Variants in SRRM2 observed in about 807,000 individuals in gnomAD.
SRRM2 encodes the protein serine/arginine repetitive matrix 2.
SRRM2 carries 30 observed loss-of-function variants against 213.8 expected under a neutral mutation model. That is an observed-to-expected ratio of 0.14 (90% confidence interval 0.10 to 0.19). The LOEUF is 0.19. SRRM2 is among the 10% of genes least tolerant of loss of function. SRRM2 has a pLI of 1.00. For missense variants in SRRM2, 4,904 were observed against 3,647.0 expected, an observed-to-expected ratio of 1.34 and a Z score of -8.88; for synonymous variants, 2,025 against 1,377.7, an observed-to-expected ratio of 1.47 and a Z score of -10.40.
chr16:2,760,439 G>A lies in SRRM2; in HGVS notation c.972G>A (p.Pro324=), dbSNP rs761990152. 23 of 1,613,978 alleles carry A rather than the reference G, an allele frequency of 1.4e-5. No homozygotes were observed. The highest frequency in any genetic ancestry group is 1.6e-4 in the Middle Eastern group (1 of 6,084). Residue 324 remains proline (P), a synonymous_variant, in exon 10 of 15, where the codon CCG becomes CCA. Coordinates refer to ENST00000301740, the MANE Select transcript of SRRM2 (RefSeq NM_016333.4). ...GTTSTQRPSS[P]ETATKQPSSP... is the part of the protein sequence containing the mutation. ...CCAGCACACAACGGCCTAGTAGCCCGGAGACTGCTACGAAACAGCCTAGCA... is the reference window on the plus strand; with the variant it reads ...CCAGCACACAACGGCCTAGTAGCCCAGAGACTGCTACGAAACAGCCTAGCA...
intron 12 of SRRM2, 21 bp downstream of exon 12, chr16:2,769,305 G>C (rs757087921): frequency 1.3e-6 from 2 of 1,536,548 alleles, no homozygotes; most frequent in South Asian, 2.6e-5. Flanking sequence ...TCTTGCCTGA[G>C]TTGAAAGGTG....
rs1292628596 is a variant in SRRM2, at chr16:2,763,244, A to C, written c.2716A>C (p.Arg906=). 2 of 1,614,072 alleles carry C rather than the reference A, an allele frequency of 1.2e-6. No homozygotes were observed. The highest frequency in any genetic ancestry group is 1.7e-6 in the Non-Finnish European group (2 of 1,179,994). Residue 906 remains arginine (R), a synonymous_variant, in exon 11 of 15, where the codon AGA becomes CGA. Transcript: ENST00000301740. The part of the protein sequence containing the change: ...PPRVKSSTPP[R]QSPSRSSSPQ... ...TAGAGTGAAATCTAGCACACCTCCCAGACAGAGCCCATCTAGGTCATCATC... is the reference window on the plus strand; with the variant it reads ...TAGAGTGAAATCTAGCACACCTCCCCGACAGAGCCCATCTAGGTCATCATC...
intron 10 of SRRM2, among the ~76,000 whole-genome samples, 173 bp from the exon 11 acceptor site, chr16:2,761,388 T>A (rs1417096454): frequency 2.0e-5 from 3 of 152,268 alleles, no homozygotes; most frequent in Non-Finnish European, 4.4e-5. Context: ...TATATTCATA[T>A]GTTTTCACCA....
At position 2,761,546 on chromosome 16, in the gene SRRM2, C is replaced by G. The variant is rs746179641; in HGVS notation, c.1033-15C>G. 5 of 1,493,822 alleles carry G rather than the reference C, an allele frequency of 3.3e-6. No homozygotes were observed. In the Admixed American group the frequency reaches 7.3e-5, roughly 22 times the overall value. 92.5% of individuals were successfully genotyped at this position (1,493,822 alleles called of 1,614,324 possible). On this transcript the variant is annotated splice_polypyrimidine_tract_variant and intron_variant, in intron 10 of 14. Coordinates refer to ENST00000301740, the MANE Select transcript of SRRM2 (RefSeq NM_016333.4). ...GTTTATGAATCCCTATCCCTGCTCT[C>G]TCTTCCACTCTTAGAAATCTGCAAC... is the stretch of plus-strand genomic sequence containing the variant.
chr16:2,768,851 C>T (rs2068634664), intron 11 of SRRM2, 146 bp from the exon 12 acceptor site: 1 of 1,515,400 alleles, frequency 6.6e-7, no homozygotes, highest in Non-Finnish European at 8.9e-7. Context: ...CACTGCTCTC[C>T]AGAGAATTGC....
intron 1 of SRRM2, chr16:2,753,475 A>T (rs2068018539): frequency 6.6e-6 from 1 of 152,238 alleles, no homozygotes; most frequent in African/African-American, 2.4e-5. Flanking sequence ...GAAACCCCAA[A>T]TCTTAAAAAC....
At position 2,763,008 on chromosome 16, in the gene SRRM2, C is replaced by G. The variant is rs1342813630; in HGVS notation, c.2480C>G (p.Ser827Cys). 6 of 1,614,140 alleles carry G rather than the reference C, an allele frequency of 3.7e-6. No homozygotes were observed. Among genetic ancestry groups the G allele is most frequent in the Non-Finnish European group, 4.2e-6 (5 of 1,180,012 alleles). Residue 827 changes from serine to cysteine, a missense_variant, in exon 11 of 15, where the codon TCT (serine) becomes TGT (cysteine). Coordinates refer to ENST00000301740, the MANE Select transcript of SRRM2 (RefSeq NM_016333.4). ...SSSSPPPKQKSKTPSRQSHSS... is the reference protein window; with the variant it reads ...SSSSPPPKQKCKTPSRQSHSS... ...TCTTCTCCGCCACCTAAACAGAAAT[C>G]TAAGACACCATCAAGACAAAGTCAT...
At chr16:2,768,362 G>GA (rs1321799286) in intron 11 of SRRM2, 101 bp downstream of exon 11, 3 of 1,355,162 alleles carry the variant, frequency 2.2e-6, no homozygotes, top group Non-Finnish European at 3.0e-6. Context: ...TTGGCTCTTG[G>GA]AGGAGGTATG....
rs771816164 is a variant in SRRM2 at position 2,766,761 on chromosome 16, G to A, written c.6233G>A (p.Arg2078His). The change falls in exon 11 of 15, where the codon CGT (arginine) becomes CAT (histidine). Residue 2078 changes from arginine (R) to histidine (H), a missense_variant. Arg to His is a conservative substitution (Grantham distance 29, BLOSUM62 0). Coordinates refer to ENST00000301740, the MANE Select transcript of SRRM2 (RefSeq NM_016333.4). The surrounding 1 kb of genome is among the most constrained non-coding windows in gnomAD (Gnocchi z 7.0). The stretch of plus-strand genomic sequence containing the variant: ...AGATCTCCTCCAGCCATCCGCAGGC[G>A]TTCTGCATCTGGAAGTAGTTCTGAT... ...LTRSPPAIRR[R>H]SASGSSSDRS... 2.2e-5 allele frequency: 35 copies of A among 1,614,004 alleles called. No homozygotes were observed. In the Middle Eastern group the frequency reaches 6.6e-4, roughly 30 times the overall value.
At chr16:2,757,410 G>T (rs2068183214) in intron 2 of SRRM2, 62 bp from the exon 3 acceptor site, 1 of 1,514,970 alleles carries the variant, frequency 6.6e-7, no homozygotes, top group African/African-American at 1.4e-5. Context: ...TGAGGGAAAT[G>T]GAAACCTGGG....
chr16:2,771,249 G>T lies in SRRM2; in HGVS notation c.*382G>T. The T allele has an allele frequency of 1.4e-6, 1 of 726,716 alleles. No homozygotes were observed. The highest frequency in any genetic ancestry group is 2.4e-6 in the Non-Finnish European group (1 of 418,386). The allele number at this position is 726,716 out of a possible 1,614,324, so 45.0% of individuals were successfully genotyped here. A position where few individuals can be genotyped will look rare whatever the true frequency, so the allele number is the denominator to read the frequency against. On this transcript the variant is annotated 3_prime_UTR_variant, in exon 15 of 15. Coordinates refer to ENST00000301740, the MANE Select transcript of SRRM2 (RefSeq NM_016333.4). ...ACTGGAGGTTGTATAAGGTGTTCTT[G>T]GAAGGAAGGGGCAGGAGTTGGAATT...
rs569450641 is a variant in SRRM2 at position 2,770,832 on chromosome 16, C to G, written c.8250-26C>G. The G allele has an allele frequency of 2.5e-6, 4 of 1,614,004 alleles. No individual in the cohort carries two copies. In the East Asian group the frequency reaches 6.7e-5, roughly 27 times the overall value. ...CCTTGAGGGCTGGGGTGGGAACTCC[C>G]TGTTGACCCATATCTTCTCTTGCAG... is the stretch of plus-strand genomic sequence containing the variant. On this transcript the variant is annotated intron_variant, in intron 14 of 14. Transcript: ENST00000301740.
chr16:2,766,296 C>G lies in SRRM2; in HGVS notation c.5768C>G (p.Ser1923Cys), dbSNP rs1319064349. Reference sequence around the variant, plus strand: ...GCATCCCCAGTGAGCAGAAGGCGATCCAGATCCAGAACGCCACCAGTAACC... The same window carrying G: ...GCATCCCCAGTGAGCAGAAGGCGATGCAGATCCAGAACGCCACCAGTAACC... ...SRASPVSRRR[S>C]RSRTPPVTRR... Residue 1923 changes from serine (S) to cysteine (C), a missense_variant, in exon 11 of 15, where the codon TCC (serine) becomes TGC (cysteine). Transcript: ENST00000301740. This position sits in a 1 kb window ranked among gnomAD's most constrained non-coding sequence, Gnocchi z 7.0. The G allele has an allele frequency of 6.2e-7, 1 of 1,614,194 alleles. No homozygotes were observed. Among genetic ancestry groups the G allele is most frequent in the Non-Finnish European group, 8.5e-7 (1 of 1,180,038 alleles).
chr16:2,768,167 T>C lies in SRRM2; in HGVS notation c.7639T>C (p.Ser2547Pro). ...GTCCTCTAGCTCCTCCTCTTCTTCA[T>C]CATCGTCGTCGTCGTCCTCCTCCTC... ...SSSSSSSSSS[S>P]SSSSSSSSSG... is the part of the protein sequence containing the mutation. The change falls in exon 11 of 15, where the codon TCA becomes CCA. Residue 2547 changes from serine to proline, a missense_variant. Ser to Pro is a moderately conservative substitution (Grantham distance 74). Transcript: ENST00000301740. 1 of 1,612,898 alleles carries C rather than the reference T, an allele frequency of 6.2e-7. No individual in the cohort carries two copies. Among genetic ancestry groups the C allele is most frequent in the East Asian group, 2.2e-5 (1 of 44,858 alleles).
Position 2,767,696 on chromosome 16 carries a change from T to A in SRRM2, c.7168T>A (p.Tyr2390Asn), listed in dbSNP as rs2068590834. The change falls in exon 11 of 15, where the codon TAC becomes AAC. Residue 2390 changes from tyrosine to asparagine, a missense_variant. Tyr to Asn is a moderately radical substitution (Grantham distance 143). Transcript: ENST00000301740. Reference sequence around the variant, plus strand: ...CAGCCCCAGGGTGCCCCTTTCTGCCTACGAGCGTGTCAGTGGCAGAACCTC... The same window carrying A: ...CAGCCCCAGGGTGCCCCTTTCTGCCAACGAGCGTGTCAGTGGCAGAACCTC... ...LTSPRVPLSA[Y>N]ERVSGRTSPP... 4 of 1,613,622 alleles carry A rather than the reference T, an allele frequency of 2.5e-6. No homozygotes were observed. Among genetic ancestry groups the A allele is most frequent in the Middle Eastern group, 1.6e-4 (1 of 6,084 alleles).
At position 2,768,171 on chromosome 16, in the gene SRRM2, C is replaced by T. The variant is rs1489992111; in HGVS notation, c.7643C>T (p.Ser2548Leu). The change falls in exon 11 of 15, where the codon TCG (serine) becomes TTG (leucine). Residue 2548 changes from serine to leucine, a missense_variant. Coordinates refer to ENST00000301740, the MANE Select transcript of SRRM2 (RefSeq NM_016333.4). Reference protein sequence around the residue: ...SSSSSSSSSSSSSSSSSSSGS... With the variant: ...SSSSSSSSSSLSSSSSSSSGS... Reference sequence around the variant, plus strand: ...TCTAGCTCCTCCTCTTCTTCATCATCGTCGTCGTCGTCCTCCTCCTCCTCT... The same window carrying T: ...TCTAGCTCCTCCTCTTCTTCATCATTGTCGTCGTCGTCCTCCTCCTCCTCT... The T allele has an allele frequency of 4.4e-6, 7 of 1,595,944 alleles. No homozygotes were observed. The Admixed American group carries it at 6.7e-5, about 15-fold the overall frequency.
chr16:2,760,478 CAAAGAT>C lies in SRRM2; in HGVS notation c.1017_1022del (p.Asp341_Lys342del), dbSNP rs1567225082. 1.5e-5 allele frequency: 25 copies of C among 1,613,986 alleles called. No individual in the cohort carries two copies. The highest frequency in any genetic ancestry group is 4.5e-5 in the East Asian group (2 of 44,878). The stretch of plus-strand genomic sequence containing the variant: ...AACAGCCTAGCAGCCCTTATGAAGA[CAAAGAT>C]AAAGACAAGAAGGAGGTATGTTCCT... On this transcript the variant is annotated inframe_deletion, in exon 10 of 15. Coordinates refer to ENST00000301740, the MANE Select transcript of SRRM2 (RefSeq NM_016333.4).
chr16:2,759,068 A>G (rs2068246001), intron 6 of SRRM2, 21 bp downstream of exon 6: 1 of 1,614,072 alleles, frequency 6.2e-7, no homozygotes, highest in Non-Finnish European at 8.5e-7. Context: ...GGAATACTTG[A>G]ATGACTGGAG....
At position 2,762,705 on chromosome 16, in the gene SRRM2, C is replaced by G; in HGVS notation, c.2177C>G (p.Ser726Ter). The G allele has an allele frequency of 6.2e-7, 1 of 1,614,198 alleles. No homozygotes were observed. Among genetic ancestry groups the G allele is most frequent in the Non-Finnish European group, 8.5e-7 (1 of 1,180,036 alleles). Residue 726 changes from serine to a stop codon, truncating the protein, a stop_gained, in exon 11 of 15, where the codon TCA (serine) becomes TGA (stop). Transcript: ENST00000301740. LOFTEE classifies it high-confidence loss of function. ...CCTCAAAGAAGAGGCAGATCTGGCT[C>G]ATCTTCAGAGCGGAAAAACAAATCC... The part of the protein sequence containing the change: ...RTPQRRGRSG[S>*]SSERKNKSRT...
Sources: allele counts gnomAD v4.1 joint callset (sites outside exome capture counted in the v4.1 genomes callset), GRCh38; gene constraint gnomAD v4.1.1; non-coding constraint Gnocchi (gnomAD v3.1); transcripts MANE v1.5; gene names NCBI Gene and HGNC (gene_info 2026-07-23, HGNC 2026-07-21).